The following CSMD3 variants were observed in gnomAD, a reference collection of about 807,000 sequenced individuals.
CSMD3 encodes the protein CUB and sushi domain-containing protein 3.
CSMD3 carries 177 observed loss-of-function variants against 435.2 expected under a neutral mutation model. The ratio of observed to expected loss-of-function variants is 0.41; its 90% CI spans 0.36 to 0.46. The LOEUF (loss-of-function observed/expected upper bound fraction) is 0.46. Ranked by LOEUF, CSMD3 falls within the 20% of genes least tolerant of loss-of-function variation. The pLI is 0.34. For synonymous variants in CSMD3, 1,656 were observed against 1,520.5 expected (o/e 1.09, Z -2.07); for missense variants, 4,265 against 4,504.6 (o/e 0.95, Z 1.52).
chr8:113,033,161 C>A lies in CSMD3; in HGVS notation c.918-13982G>T, dbSNP rs893205198. 2.0e-5 allele frequency among the ~76,000 whole-genome samples: 3 copies of A among 151,650 alleles called. No individual in the cohort carries two copies. In the South Asian group the frequency reaches 6.3e-4, roughly 32 times the overall value. ...GGGGAAATGTGAGTTGGAGCTCTCA[C>A]ACAGAGTCCTCACTGGGGCACTGCT... is the stretch of plus-strand genomic sequence containing the variant. On this transcript the variant is annotated intron_variant, in intron 5 of 70. Coordinates refer to ENST00000297405, the MANE Select transcript of CSMD3 (RefSeq NM_198123.2).
At chr8:112,283,762 T>TA (rs1440756153) in intron 58 of CSMD3, among the ~76,000 whole-genome samples, 5 of 151,766 alleles carry the variant, frequency 3.3e-5, no homozygotes, top group African/African-American at 4.8e-5. Context: ...TACTAGAACT[T>TA]ATATTTACAA....
chr8:112,267,620 G>A (rs1817071986), intron 59 of CSMD3, among the ~76,000 whole-genome samples: 1 of 152,128 alleles, frequency 6.6e-6, no homozygotes, highest in Non-Finnish European at 1.5e-5. Flanking sequence ...TCTGGGCAGT[G>A]CTTTCCAGAC....
chr8:113,054,627 C>T (rs1054542428), intron 5 of CSMD3, among the ~76,000 whole-genome samples: 16 of 152,240 alleles, frequency 1.1e-4, no homozygotes, highest in Middle Eastern at 6.8e-3. Flanking sequence ...TCATTCAAAA[C>T]AATATTAAAA....
At chr8:112,401,043 G>C (rs10089136) in intron 35 of CSMD3, among the ~76,000 whole-genome samples, 69,396 of 151,588 alleles carry the variant, frequency 0.46, 16,313 homozygotes, top group Middle Eastern at 0.6. Flanking sequence ...CCTGTCTCCA[G>C]TAAAAATACA....
chr8:113,394,056 A>T (rs1328210601), intron 1 of CSMD3, among the ~76,000 whole-genome samples: 1 of 152,012 alleles, frequency 6.6e-6, no homozygotes, highest in Non-Finnish European at 1.5e-5. Flanking sequence ...TAGAGTCTGC[A>T]TTCTGAAGTT....
chr8:112,686,677 G>A (rs1446694194), intron 14 of CSMD3, among the ~76,000 whole-genome samples: 1 of 151,772 alleles, frequency 6.6e-6, no homozygotes, highest in African/African-American at 2.4e-5. Context: ...GTAGAGATGG[G>A]GTTTCGCCAT....
At chr8:113,049,031 G>A (rs2087966077) in intron 5 of CSMD3, among the ~76,000 whole-genome samples, 1 of 152,104 alleles carries the variant, frequency 6.6e-6, no homozygotes, top group African/African-American at 2.4e-5. Flanking sequence ...TTGAGGTCAA[G>A]AGTTCAAGAC....
intron 3 of CSMD3, among the ~76,000 whole-genome samples, chr8:113,239,585 T>C (rs2093190086): frequency 6.6e-6 from 1 of 152,080 alleles, no homozygotes; most frequent in South Asian, 2.1e-4. Context: ...ATTACAGATT[T>C]TGGCATGAAG....
Position 112,224,130 on chromosome 8 carries a change from C to A in CSMD3, c.*641G>T, listed in dbSNP as rs1464066726. ...AACTTGCCCTTTGCAGAAACTATGA[C>A]AACCAGTCTAAAAGAAGAAGAGCAA... On this transcript the variant is annotated 3_prime_UTR_variant, in exon 71 of 71. Coordinates refer to ENST00000297405, the MANE Select transcript of CSMD3 (RefSeq NM_198123.2). The A allele has an allele frequency of 6.5e-6, 1 of 153,676 alleles. No individual in the cohort carries two copies. Among genetic ancestry groups the A allele is most frequent in the Non-Finnish European group, 1.4e-5 (1 of 69,114 alleles). 9.5% of individuals were successfully genotyped at this position (153,676 alleles called of 1,614,324 possible).
intron 5 of CSMD3, 181 bp downstream of exon 5, chr8:113,098,575 A>G (rs2090235235): frequency 1.0e-5 from 6 of 594,282 alleles, no homozygotes; most frequent in East Asian, 2.8e-5. Flanking sequence ...AATTTCATCT[A>G]TTTTTTATGT....
chr8:112,813,356 A>G (rs1034961268), intron 12 of CSMD3, among the ~76,000 whole-genome samples: 1 of 152,182 alleles, frequency 6.6e-6, no homozygotes, highest in Non-Finnish European at 1.5e-5. Flanking sequence ...GATATGTCTT[A>G]GATCTTGAGG....
intron 1 of CSMD3, among the ~76,000 whole-genome samples, chr8:113,316,911 G>T (rs1394606286): frequency 2.0e-5 from 3 of 152,144 alleles, no homozygotes; most frequent in Admixed American, 6.5e-5. Context: ...ATGTGGCTCA[G>T]GGCTTGGTTG....
chr8:112,924,886 A>C (rs1312884335), intron 9 of CSMD3, among the ~76,000 whole-genome samples: 1 of 152,144 alleles, frequency 6.6e-6, no homozygotes, highest in African/African-American at 2.4e-5. Context: ...TATTATTTAT[A>C]AACTACACAG....
intron 17 of CSMD3, among the ~76,000 whole-genome samples, chr8:112,665,448 A>T (rs937979305): frequency 6.6e-6 from 1 of 152,196 alleles, no homozygotes; most frequent in African/African-American, 2.4e-5. Context: ...ATGGATAGAC[A>T]AATTCAATGA....
chr8:113,160,680 T>C (rs566396455), intron 4 of CSMD3, among the ~76,000 whole-genome samples: 158 of 152,150 alleles, frequency 1.0e-3, no homozygotes, highest in African/African-American at 3.3e-3. Flanking sequence ...TCAAATTTAG[T>C]TAAATTTTAA....
intron 2 of CSMD3, chr8:113,313,130 T>G (rs980325993): frequency 4.6e-5 from 7 of 152,116 alleles, no homozygotes; most frequent in African/African-American, 1.7e-4. Context: ...CAGAACAGTA[T>G]AATGAGATGG....
intron 3 of CSMD3, among the ~76,000 whole-genome samples, chr8:113,222,663 T>C (rs181870856): frequency 9.7e-4 from 147 of 151,138 alleles, no homozygotes; most frequent in African/African-American, 3.4e-3. Context: ...CTAAATGTAC[T>C]CTGTATATTT....
intron 10 of CSMD3, among the ~76,000 whole-genome samples, chr8:112,897,452 C>T (rs950480067): frequency 6.6e-6 from 1 of 151,202 alleles, no homozygotes; most frequent in Non-Finnish European, 1.5e-5. Context: ...GGGAAATAGT[C>T]TAGATATCTA....
chr8:113,220,976 C>T (rs542436704), intron 3 of CSMD3, among the ~76,000 whole-genome samples: 1 of 151,202 alleles, frequency 6.6e-6, no homozygotes, highest in Non-Finnish European at 1.5e-5. Flanking sequence ...AAGTTATATT[C>T]TTTTAAAAGA....
Sources: allele counts gnomAD v4.1 joint callset (sites outside exome capture counted in the v4.1 genomes callset), GRCh38; gene constraint gnomAD v4.1.1; transcripts MANE v1.5; gene names NCBI Gene and HGNC (gene_info 2026-07-23, HGNC 2026-07-21).